The following ADAMTSL1 variants were observed in gnomAD, a reference collection of about 807,000 sequenced individuals.
ADAMTSL1 encodes ADAMTS-like protein 1.
ADAMTSL1 carries 126 observed loss-of-function variants against 201.8 expected under a neutral mutation model. The ratio of observed to expected loss-of-function variants is 0.62; its 90% CI spans 0.54 to 0.72. ADAMTSL1 has a LOEUF of 0.72. ADAMTSL1 is among the 30% of genes least tolerant of loss of function. The probability of loss-of-function intolerance (pLI) is 0.00; values close to 1 mark genes in which losing one functional copy is unlikely to be tolerated. For missense variants in ADAMTSL1, 2,679 were observed against 2,277.8 expected (o/e 1.18, Z -3.59); for synonymous variants, 1,121 against 903.4 (o/e 1.24, Z -4.32).
intron 2 of ADAMTSL1, among the ~76,000 whole-genome samples, chr9:18,280,038 G>T (rs1301533697): frequency 3.3e-5 from 5 of 152,164 alleles, no homozygotes; most frequent in African/African-American, 7.2e-5. Context: ...GATAGGCCTG[G>T]ACTCAAGGTC....
intron 2 of ADAMTSL1, among the ~76,000 whole-genome samples, chr9:18,335,927 A>G (rs1301739319): frequency 1.3e-5 from 2 of 152,166 alleles, no homozygotes; most frequent in Non-Finnish European, 2.9e-5. Context: ...TGCCCTTAAT[A>G]TCTATAGGAA....
chr9:18,081,910 C>T (rs1017492455), intron 1 of ADAMTSL1, among the ~76,000 whole-genome samples: 1 of 152,126 alleles, frequency 6.6e-6, no homozygotes, highest in Non-Finnish European at 1.5e-5. Context: ...CTCAGGTAAA[C>T]ATTTTATATG....
At chr9:17,991,213 A>G (rs967951705) in intron 1 of ADAMTSL1, among the ~76,000 whole-genome samples, 1 of 152,202 alleles carries the variant, frequency 6.6e-6, no homozygotes, top group African/African-American at 2.4e-5. Flanking sequence ...TGAATTCCAG[A>G]GAAGGATCAG....
chr9:17,987,984 G>A (rs572809022), intron 1 of ADAMTSL1, among the ~76,000 whole-genome samples: 13 of 152,150 alleles, frequency 8.5e-5, no homozygotes, highest in South Asian at 2.1e-4. Context: ...TATGACAAAC[G>A]TGTTTTGGTT....
chr9:18,415,362 A>C (rs537467776), intron 2 of ADAMTSL1, among the ~76,000 whole-genome samples: 1 of 152,326 alleles, frequency 6.6e-6, no homozygotes, highest in South Asian at 2.1e-4. Context: ...ATTTTTAAAA[A>C]ACAACAAATC....
chr9:18,718,801 AT>A (rs1833140143), intron 14 of ADAMTSL1, among the ~76,000 whole-genome samples: 2 of 152,248 alleles, frequency 1.3e-5, no homozygotes, highest in Non-Finnish European at 2.9e-5. Flanking sequence ...CAAGTAAAGC[AT>A]GTGACAAGCC....
At chr9:18,855,262 G>A (rs1739384175) in intron 23 of ADAMTSL1, among the ~76,000 whole-genome samples, 1 of 152,220 alleles carries the variant, frequency 6.6e-6, no homozygotes, top group South Asian at 2.1e-4. Flanking sequence ...CACTGGTATA[G>A]TTGGACTTGG....
chr9:18,489,739 G>C (rs537188909), intron 1 of ADAMTSL1, among the ~76,000 whole-genome samples: 1 of 152,138 alleles, frequency 6.6e-6, no homozygotes, highest in African/African-American at 2.4e-5. Flanking sequence ...ATTTCCCACT[G>C]CTCTTCTCAG....
chr9:18,619,411 A>AG lies in ADAMTSL1; in HGVS notation c.475-2831dup, dbSNP rs1323444873. Among the ~76,000 whole-genome samples, 13 of 151,522 alleles carry AG rather than the reference A, an allele frequency of 8.6e-5. No homozygotes were observed. In the South Asian group the frequency reaches 2.8e-3, roughly 32 times the overall value. ...GAGGAATTGATAACAGAGAAAAGGA[A>AG]GAAAAAAAAAACAATTGTGTCAGGG... On this transcript the variant is annotated intron_variant, in intron 4 of 28. Coordinates refer to ENST00000380548, the MANE Select transcript of ADAMTSL1 (RefSeq NM_001040272.6).
intron 1 of ADAMTSL1, among the ~76,000 whole-genome samples, chr9:17,947,894 T>G (rs1028759179): frequency 6.6e-6 from 1 of 152,168 alleles, no homozygotes; most frequent in African/African-American, 2.4e-5. Context: ...ACACACCTTC[T>G]GCAGCTGCAC....
At chr9:18,248,394 C>T (rs1419638253) in intron 2 of ADAMTSL1, among the ~76,000 whole-genome samples, 1 of 152,108 alleles carries the variant, frequency 6.6e-6, no homozygotes, top group Non-Finnish European at 1.5e-5. Context: ...TGCACTGGGA[C>T]AAGAAAAGCC....
Position 18,277,716 on chromosome 9 carries a change from A to G in ADAMTSL1, c.207+113735A>G, listed in dbSNP as rs796130155. On this transcript the variant is annotated intron_variant, in intron 2 of 29. Coordinates refer to the ADAMTSL1 transcript ENST00000680146. ...GCAAAATACAGTTAGAACTTTTTTC[A>G]GTCCTTTCAGTCATCCTATGTCTTT... Among the ~76,000 whole-genome samples the G allele has an allele frequency of 8.8e-4, 134 of 152,278 alleles. 1 individual carries two copies. The highest frequency in any genetic ancestry group is 2.6e-3 in the African/African-American group (110 of 41,578).
intron 4 of ADAMTSL1, among the ~76,000 whole-genome samples, chr9:18,578,534 T>C (rs1822885030): frequency 6.6e-6 from 1 of 152,186 alleles, no homozygotes; most frequent in African/African-American, 2.4e-5. Context: ...GGTTGGAATC[T>C]AAGCTCCACC....
intron 1 of ADAMTSL1, among the ~76,000 whole-genome samples, chr9:18,107,519 A>G (rs1323894030): frequency 6.6e-6 from 1 of 152,202 alleles, no homozygotes; most frequent in Non-Finnish European, 1.5e-5. Context: ...GGGAATAAGG[A>G]GCCGAAGTTC....
intron 1 of ADAMTSL1, among the ~76,000 whole-genome samples, chr9:17,982,196 A>G (rs752271849): frequency 3.9e-5 from 6 of 152,178 alleles, no homozygotes; most frequent in African/African-American, 4.8e-5. Flanking sequence ...CATTACTGAC[A>G]TAGCATGACA....
chr9:18,613,878 T>G (rs1825542401), intron 4 of ADAMTSL1, among the ~76,000 whole-genome samples: 1 of 152,156 alleles, frequency 6.6e-6, no homozygotes, highest in Non-Finnish European at 1.5e-5. Flanking sequence ...CATGTACCCC[T>G]GAACTTAAAA....
intron 19 of ADAMTSL1, among the ~76,000 whole-genome samples, chr9:18,792,996 G>T (rs1219300852): frequency 2.0e-5 from 3 of 152,202 alleles, no homozygotes; most frequent in Admixed American, 2.0e-4. Flanking sequence ...TGAATGTATG[G>T]GTGGATGAGC....
intron 7 of ADAMTSL1, among the ~76,000 whole-genome samples, chr9:18,644,788 T>G (rs1827682562): frequency 6.6e-6 from 1 of 152,134 alleles, no homozygotes; most frequent in Non-Finnish European, 1.5e-5. Context: ...AGTCTATCAT[T>G]GTTGGACATT....
chr9:18,370,441 AC>A lies in ADAMTSL1; in HGVS notation c.208-134380del, dbSNP rs1001528547. 2.6e-3 allele frequency among the ~76,000 whole-genome samples: 400 copies of A among 151,030 alleles called. 2 individuals are homozygous for A. The highest frequency in any genetic ancestry group is 7.0e-3 in the African/African-American group (288 of 41,154). On this transcript the variant is annotated intron_variant, in intron 2 of 29. Coordinates refer to the ADAMTSL1 transcript ENST00000680146. Reference sequence around the variant, plus strand: ...TATCCGTATGAAAACCTGCATATGTACCCCCCCCGAATCCATAATAAAAATT... The same window carrying A: ...TATCCGTATGAAAACCTGCATATGTACCCCCCCGAATCCATAATAAAAATT...
Sources: gnomAD v4.1 joint callset for allele counts (sites outside exome capture counted in the v4.1 genomes callset) on GRCh38, gnomAD v4.1.1 for gene constraint, MANE v1.5 for transcripts, NCBI Gene and HGNC (gene_info 2026-07-23, HGNC 2026-07-21) for gene names.